The following DENND1A variants were observed in gnomAD, a reference collection of about 807,000 sequenced individuals.
DENND1A encodes DENN domain-containing protein 1A.
A neutral mutation model predicts 113.7 loss-of-function variants in DENND1A; 51 were observed. The observed-to-expected ratio is 0.45, with a 90% CI of 0.36 to 0.57. DENND1A has a LOEUF of 0.57. DENND1A is among the 20% of genes least tolerant of loss of function. The probability of loss-of-function intolerance (pLI) is 0.00; values close to 1 mark genes in which losing one functional copy is unlikely to be tolerated. For synonymous variants in DENND1A, 565 were observed against 570.8 expected (o/e 0.99, Z 0.14); for missense variants, 1,258 against 1,395.9 (o/e 0.90, Z 1.57).
At chr9:123,671,605 C>T (rs1332917919) in intron 6 of DENND1A, among the ~76,000 whole-genome samples, 4 of 152,156 alleles carry the variant, frequency 2.6e-5, no homozygotes, top group Non-Finnish European at 5.9e-5. Flanking sequence ...AGTGAGACAC[C>T]TACCATGACC....
chr9:123,776,925 T>C (rs1830558591), intron 3 of DENND1A, among the ~76,000 whole-genome samples: 1 of 152,218 alleles, frequency 6.6e-6, no homozygotes, highest in Non-Finnish European at 1.5e-5. Context: ...AGGATTCATG[T>C]TAGGCTGTCT....
At chr9:123,485,656 G>GCGCGCACACACACACACACACACACACA (rs765633751) in intron 13 of DENND1A, 4 of 141,156 alleles carry the variant, frequency 2.8e-5, no homozygotes, top group African/African-American at 5.8e-5. Flanking sequence ...GCGCGCGCGC[G>GCGCGCACACACACACACACACACACACA]CACACACACA....
At chr9:123,847,928 C>G (rs1327990600) in intron 2 of DENND1A, among the ~76,000 whole-genome samples, 1 of 151,746 alleles carries the variant, frequency 6.6e-6, no homozygotes, top group African/African-American at 2.4e-5. Flanking sequence ...AGCGAGACTT[C>G]ATCTCAAAAA....
chr9:123,793,397 T>C (rs185284445), intron 2 of DENND1A, among the ~76,000 whole-genome samples: 9 of 152,246 alleles, frequency 5.9e-5, no homozygotes, highest in Middle Eastern at 3.4e-3. Context: ...AGTGAACAAA[T>C]TAAAAGCTAT....
intron 5 of DENND1A, among the ~76,000 whole-genome samples, chr9:123,727,198 CTCT>C (rs1317396535): frequency 6.6e-6 from 1 of 152,174 alleles, no homozygotes; most frequent in East Asian, 1.9e-4. Context: ...GTACCAGCTG[CTCT>C]TCTTTTCCCA....
At position 123,380,204 on chromosome 9, in the gene DENND1A, A is replaced by G. The variant is rs1038534587; in HGVS notation, c.*1228T>C. 1 of 152,380 alleles carries G rather than the reference A, an allele frequency of 6.6e-6. No individual in the cohort carries two copies. Among genetic ancestry groups the G allele is most frequent in the Non-Finnish European group, 1.5e-5 (1 of 68,036 alleles). 9.4% of individuals were successfully genotyped at this position (152,380 alleles called of 1,614,324 possible). A position where few individuals can be genotyped will look rare whatever the true frequency, so the allele number is the denominator to read the frequency against. The stretch of plus-strand genomic sequence containing the variant: ...GCTCACAATTTCCTGCGTGTCTCAG[A>G]TGGTTGTTTTCTTAAATGGTCGGGC... On this transcript the variant is annotated 3_prime_UTR_variant, in exon 24 of 24. Transcript: ENST00000394215.
chr9:123,914,808 G>A (rs1854790740), intron 1 of DENND1A, among the ~76,000 whole-genome samples: 1 of 151,868 alleles, frequency 6.6e-6, no homozygotes, highest in Admixed American at 6.6e-5. Context: ...ATCACCAAGG[G>A]GATGATGCCA....
chr9:123,792,590 G>C lies in DENND1A; in HGVS notation c.129C>G (p.Asp43Glu). The change falls in exon 3 of 24, where the codon GAC (aspartate) becomes GAG (glutamate). Residue 43 changes from aspartate (D) to glutamate (E), a missense_variant. Physicochemically the swap from Asp to Glu is conservative, Grantham distance 45 (BLOSUM62 2). Transcript: ENST00000394215. Reference sequence around the variant, plus strand: ...AAATTAATTACGCATTCCGAACCTGGTCACTGTAGTCCTCCGGGAATTGCC... The same window carrying C: ...AAATTAATTACGCATTCCGAACCTGCTCACTGTAGTCCTCCGGGAATTGCC... ...VQRQFPEDYS[D>E]QEVLQTLTKF... The C allele has an allele frequency of 6.2e-7, 1 of 1,611,856 alleles. No individual in the cohort carries two copies. The highest frequency in any genetic ancestry group is 8.5e-7 in the Non-Finnish European group (1 of 1,178,832).
At chr9:123,429,012 A>T (rs1282415183) in intron 19 of DENND1A, among the ~76,000 whole-genome samples, 1 of 152,222 alleles carries the variant, frequency 6.6e-6, no homozygotes, top group Non-Finnish European at 1.5e-5. Flanking sequence ...ACTACCATTG[A>T]CATTCTTCAC....
intron 13 of DENND1A, among the ~76,000 whole-genome samples, chr9:123,479,701 T>C (rs771258512): frequency 1.3e-5 from 2 of 152,230 alleles, no homozygotes; most frequent in Non-Finnish European, 2.9e-5. Flanking sequence ...TGCCATGCCT[T>C]TCCCTGTCTG....
intron 8 of DENND1A, 117 bp from the exon 9 acceptor site, chr9:123,652,240 T>C: frequency 3.4e-6 from 3 of 886,890 alleles, no homozygotes; most frequent in South Asian, 3.7e-5. Context: ...GTTCTTTCCC[T>C]GTCCTTTTCT....
chr9:123,667,996 C>T (rs1320486467), intron 7 of DENND1A, among the ~76,000 whole-genome samples: 3 of 152,122 alleles, frequency 2.0e-5, no homozygotes, highest in Admixed American at 2.0e-4. Context: ...CAAAGAACGT[C>T]CAATGAGGCA....
In DENND1A at chr9:123,401,373, G is replaced by A. The variant is rs532642663; in HGVS notation, c.1631+2029C>T. 494 of 591,624 alleles carry A rather than the reference G, an allele frequency of 8.3e-4. 1 individual carries two copies. The highest frequency in any genetic ancestry group is 2.6e-3 in the African/African-American group (134 of 50,898). The allele number at this position is 591,624 out of a possible 1,614,324, so 36.6% of individuals were successfully genotyped here. ...GTGGGGAAGCAGCATGGGAAGAGGC[G>A]TAGAAAAACACCCGGGTTGCACTAG... On this transcript the variant is annotated intron_variant, in intron 21 of 23. Transcript: ENST00000394215.
At chr9:123,583,302 T>C (rs1375142102) in intron 11 of DENND1A, 32 bp from the exon 12 acceptor site, 2 of 1,539,448 alleles carry the variant, frequency 1.3e-6, no homozygotes, top group Non-Finnish European at 1.8e-6. Flanking sequence ...CAAGAGAAGG[T>C]CATTGAGGTG....
chr9:123,687,537 C>T (rs1589668608), intron 5 of DENND1A, among the ~76,000 whole-genome samples: 1 of 152,278 alleles, frequency 6.6e-6, no homozygotes, highest in East Asian at 1.9e-4. Context: ...AGCGATAAGG[C>T]CAGAGATTGT....
intron 5 of DENND1A, among the ~76,000 whole-genome samples, chr9:123,678,128 A>T (rs1466549790): frequency 6.6e-6 from 1 of 152,098 alleles, no homozygotes; most frequent in Non-Finnish European, 1.5e-5. Context: ...TGCTCTCAGA[A>T]CATTCCCCAC....
chr9:123,666,050 T>C (rs916512563), intron 8 of DENND1A, among the ~76,000 whole-genome samples: 8 of 152,098 alleles, frequency 5.3e-5, no homozygotes, highest in Admixed American at 5.2e-4. Context: ...TTGCCAGGGG[T>C]TGGGGAGACA....
At chr9:123,610,252 T>A (rs188649091) in intron 10 of DENND1A, among the ~76,000 whole-genome samples, 1 of 152,348 alleles carries the variant, frequency 6.6e-6, no homozygotes, top group Non-Finnish European at 1.5e-5. Context: ...GTATACATTA[T>A]CATTTATGTT....
At position 123,527,331 on chromosome 9, in the gene DENND1A, T is replaced by C. The variant is rs201055077; in HGVS notation, c.993+30239A>G. ...AGCCACCTTAAAAAATTCCTGTGTA[T>C]TCATATAACTTCCCTCCCTTACAAA... is the stretch of plus-strand genomic sequence containing the variant. On this transcript the variant is annotated intron_variant, in intron 13 of 23. Transcript: ENST00000394215. 9.2e-5 allele frequency among the ~76,000 whole-genome samples: 14 copies of C among 152,312 alleles called. No individual in the cohort carries two copies. The East Asian group carries it at 2.7e-3, about 29-fold the overall frequency.
Sources: gnomAD v4.1 joint callset for allele counts (sites outside exome capture counted in the v4.1 genomes callset) on GRCh38, gnomAD v4.1.1 for gene constraint, MANE v1.5 for transcripts, NCBI Gene and HGNC (gene_info 2026-07-23, HGNC 2026-07-21) for gene names.